Variants in OR10J1 observed in about 807,000 individuals in gnomAD.
OR10J1 encodes the protein olfactory receptor 10J1.
For missense variants in OR10J1, 474 were observed against 376.6 expected, an observed-to-expected ratio of 1.26 and a Z score of -2.14; for synonymous variants, 202 against 143.8, an observed-to-expected ratio of 1.40 and a Z score of -2.89.
At chr1:159,409,354 T>A in the OR10J1 span, among the ~76,000 whole-genome samples, 1 of 152,260 alleles carries the variant, frequency 6.6e-6, no homozygotes, top group East Asian at 1.9e-4. Flanking sequence ...ATCTCCGCTT[T>A]GTTTTTAACT....
chr1:159,418,559 C>T, the OR10J1 span, among the ~76,000 whole-genome samples: 1 of 152,196 alleles, frequency 6.6e-6, no homozygotes, highest in African/African-American at 2.4e-5. Flanking sequence ...TGTACAGAAA[C>T]ACCTGGATAT....
the OR10J1 span, chr1:159,405,570 C>CATTAAAA: frequency 2.7e-6 from 1 of 374,486 alleles, no homozygotes; most frequent in Admixed American, 3.2e-5. Flanking sequence ...TGTTCTGCCC[C>CATTAAAA]AGGAAACTCT....
the OR10J1 span, among the ~76,000 whole-genome samples, chr1:159,417,703 G>C: frequency 1.3e-5 from 2 of 152,198 alleles, no homozygotes; most frequent in African/African-American, 2.4e-5. Flanking sequence ...GGGTGCTGCT[G>C]TATAGATACC....
the OR10J1 span, among the ~76,000 whole-genome samples, chr1:159,426,370 A>G: frequency 6.6e-6 from 1 of 151,894 alleles, no homozygotes; most frequent in Non-Finnish European, 1.5e-5. Context: ...GAGCAGATGA[A>G]AACAAAAAGA....
chr1:159,399,501 G>T, the OR10J1 span, among the ~76,000 whole-genome samples: 3 of 149,772 alleles, frequency 2.0e-5, no homozygotes, highest in Non-Finnish European at 1.5e-5. Context: ...AACCTGGGAG[G>T]TGGAGCTTGC....
At chr1:159,413,840 A>T in the OR10J1 span, among the ~76,000 whole-genome samples, 1 of 151,750 alleles carries the variant, frequency 6.6e-6, no homozygotes, top group Non-Finnish European at 1.5e-5. Context: ...AAAGTATAAT[A>T]ATAATAAAAT....
At chr1:159,436,673 A>C (rs1011192777), upstream of OR10J1, among the ~76,000 whole-genome samples, 16 of 152,176 alleles carry the variant, frequency 1.1e-4, no homozygotes, top group Non-Finnish European at 2.1e-4. Flanking sequence ...CGGTTTTAAA[A>C]AAAAAAAAAA....
At chr1:159,421,900 G>T in the OR10J1 span, among the ~76,000 whole-genome samples, 5 of 152,252 alleles carry the variant, frequency 3.3e-5, no homozygotes, top group Admixed American at 6.5e-5. Flanking sequence ...TACCAGCAGT[G>T]GCAGGGAGGG....
chr1:159,430,669 G>GTGTGCA, the OR10J1 span, among the ~76,000 whole-genome samples: 1 of 20,158 alleles, frequency 5.0e-5, no homozygotes, highest in African/African-American at 9.5e-5. Flanking sequence ...GTGTGTGTGT[G>GTGTGCA]CGCGCGCGCA....
upstream of OR10J1, among the ~76,000 whole-genome samples, chr1:159,436,495 C>T (rs543737607): frequency 3.3e-5 from 5 of 152,244 alleles, no homozygotes; most frequent in South Asian, 1.0e-3. Context: ...ATCTCTGTTA[C>T]ATCAGCAGCC....
At chr1:159,414,159 A>T in the OR10J1 span, among the ~76,000 whole-genome samples, 3 of 152,138 alleles carry the variant, frequency 2.0e-5, no homozygotes, top group African/African-American at 7.2e-5. Context: ...AGCTGCAGTC[A>T]CCCTAACCTG....
the OR10J1 span, among the ~76,000 whole-genome samples, chr1:159,429,995 G>T: frequency 1.3e-5 from 2 of 152,036 alleles, no homozygotes; most frequent in Non-Finnish European, 1.5e-5. Context: ...CCAGTGATAT[G>T]TAAGTCACAT....
At chr1:159,433,960 G>C (rs753050984), upstream of OR10J1, among the ~76,000 whole-genome samples, 4 of 152,092 alleles carry the variant, frequency 2.6e-5, no homozygotes, top group Non-Finnish European at 5.9e-5. Flanking sequence ...TTAGAAGGTA[G>C]CTCTTCTCTC....
the OR10J1 span, among the ~76,000 whole-genome samples, chr1:159,430,640 GGTGTGT>G: frequency 7.1e-5 from 10 of 140,934 alleles, no homozygotes; most frequent in South Asian, 2.4e-4. Flanking sequence ...AAAAAATTAT[GGTGTGT>G]GTGTGTGTGT....
chr1:159,433,817 G>A (rs778574427), upstream of OR10J1, among the ~76,000 whole-genome samples: 6 of 152,188 alleles, frequency 3.9e-5, no homozygotes, highest in Non-Finnish European at 8.8e-5. Flanking sequence ...TTCACTGCGA[G>A]TGCTCTTTTT....
chr1:159,418,609 G>T, the OR10J1 span, among the ~76,000 whole-genome samples: 1 of 152,206 alleles, frequency 6.6e-6, no homozygotes, highest in Admixed American at 6.5e-5. Context: ...CCTTCACAGA[G>T]AACCTCTGCT....
Position 159,440,388 on chromosome 1 carries a change from G to C in OR10J1, c.597G>C (p.Leu199Phe), listed in dbSNP as rs1655902178. 6.2e-7 allele frequency: 1 copy of C among 1,614,142 alleles called. No individual in the cohort carries two copies. The highest frequency in any genetic ancestry group is 2.2e-5 in the East Asian group (1 of 44,870). The change falls in exon 1 of 1, where the codon TTG becomes TTC. Residue 199 changes from leucine (L) to phenylalanine (F), a missense_variant. By Grantham distance (22) the Leu-to-Phe change is conservative (BLOSUM62 0). Transcript: ENST00000423932. ...IDTTVNEILT[L>F]IISVLVLVVP... Reference sequence around the variant, plus strand: ...CCACTGTCAATGAAATCCTGACTTTGATTATCAGTGTGCTGGTGCTTGTTG... The same window carrying C: ...CCACTGTCAATGAAATCCTGACTTTCATTATCAGTGTGCTGGTGCTTGTTG...
At chr1:159,400,288 GA>G in the OR10J1 span, among the ~76,000 whole-genome samples, 5 of 152,012 alleles carry the variant, frequency 3.3e-5, no homozygotes, top group East Asian at 9.7e-4. Flanking sequence ...TTGACTGACT[GA>G]ACGGATGAAA....
the OR10J1 span, among the ~76,000 whole-genome samples, chr1:159,421,027 C>T: frequency 6.6e-6 from 1 of 152,030 alleles, no homozygotes; most frequent in African/African-American, 2.4e-5. Context: ...TTCTGAGATA[C>T]CACAAATTTG....
Sources: gnomAD v4.1 joint callset for allele counts (sites outside exome capture counted in the v4.1 genomes callset) on GRCh38, gnomAD v4.1.1 for gene constraint, MANE v1.5 for transcripts, NCBI Gene and HGNC (gene_info 2026-07-23, HGNC 2026-07-21) for gene names.